Variants in SLC35A1 observed in about 807,000 individuals in gnomAD.
SLC35A1 encodes solute carrier family 35 member A1.
A neutral mutation model predicts 40.3 loss-of-function variants in SLC35A1; 21 were observed. The ratio of observed to expected loss-of-function variants is 0.52; its 90% CI spans 0.37 to 0.75. SLC35A1 has a LOEUF of 0.75. Among genes scored for constraint, SLC35A1 ranks in the 30% least tolerant of loss-of-function variants. The pLI is 0.00. For synonymous variants in SLC35A1, 146 were observed against 147.3 expected (o/e 0.99, Z 0.06); for missense variants, 297 against 382.1 (o/e 0.78, Z 1.86).
chr6:87,491,538 G>A lies in SLC35A1; in HGVS notation c.195-8970G>A, dbSNP rs563722411. Among the ~76,000 whole-genome samples, 11 of 152,282 alleles carry A rather than the reference G, an allele frequency of 7.2e-5. No homozygotes were observed. In the East Asian group the frequency reaches 7.7e-4, roughly 11 times the overall value. On this transcript the variant is annotated intron_variant, in intron 2 of 7. Transcript: ENST00000369552. ...TTAAGACAAAGATAAGCACAGTGGC[G>A]TTGTTAGACATTTCAGTAGTTTACA...
chr6:87,484,690 T>G (rs1769345476), intron 2 of SLC35A1, among the ~76,000 whole-genome samples: 1 of 124,826 alleles, frequency 8.0e-6, no homozygotes, highest in Non-Finnish European at 1.7e-5. Flanking sequence ...GTAATTGGAA[T>G]TAGGGTGGAG....
At chr6:87,473,692 G>T (rs1253565916) in intron 1 of SLC35A1, among the ~76,000 whole-genome samples, 1 of 152,236 alleles carries the variant, frequency 6.6e-6, no homozygotes, top group Non-Finnish European at 1.5e-5. Context: ...AGGCGTATTT[G>T]TTGACTAATT....
chr6:87,499,690 GATTT>G (rs1252249773), intron 2 of SLC35A1, among the ~76,000 whole-genome samples: 3 of 151,954 alleles, frequency 2.0e-5, no homozygotes, highest in Admixed American at 6.6e-5. Flanking sequence ...CTTACATAAG[GATTT>G]ATTATCTACT....
Position 87,510,621 on chromosome 6 carries a change from G to A in SLC35A1, c.887-778G>A, listed in dbSNP as rs150632243. Among the ~76,000 whole-genome samples, 810 of 152,280 alleles carry A rather than the reference G, an allele frequency of 5.3e-3. 3 individuals carry two copies. Among genetic ancestry groups the A allele is most frequent in the African/African-American group, 0.019 (777 of 41,562 alleles). ...AAAGGTGCCGGGCATGGTGGCTCAT[G>A]TCTGTAATCCCAGCACTTTGGGAGG... On this transcript the variant is annotated intron_variant, in intron 7 of 7. Coordinates refer to ENST00000369552, the MANE Select transcript of SLC35A1 (RefSeq NM_006416.5).
At chr6:87,491,651 A>G (rs552668689) in intron 2 of SLC35A1, among the ~76,000 whole-genome samples, 3 of 152,344 alleles carry the variant, frequency 2.0e-5, no homozygotes, top group East Asian at 1.9e-4. Context: ...ATAAAATACC[A>G]TAGACCAGTT....
At chr6:87,477,235 A>T in intron 1 of SLC35A1, 127 bp from the exon 2 acceptor site, 1 of 875,758 alleles carries the variant, frequency 1.1e-6, no homozygotes, top group Non-Finnish European at 1.7e-6. Context: ...AAAAATTTTT[A>T]AGCATGAGTT....
At chr6:87,481,341 T>C (rs1268974110) in intron 2 of SLC35A1, among the ~76,000 whole-genome samples, 1 of 150,602 alleles carries the variant, frequency 6.6e-6, no homozygotes, top group Non-Finnish European at 1.5e-5. Flanking sequence ...CGCTTGAACC[T>C]GGGAGGCGGA....
intron 2 of SLC35A1, among the ~76,000 whole-genome samples, chr6:87,498,361 T>C (rs1769805347): frequency 6.6e-6 from 1 of 152,220 alleles, no homozygotes; most frequent in South Asian, 2.1e-4. Flanking sequence ...TTCAGTTATC[T>C]TCTCTGATAC....
At chr6:87,481,140 G>A (rs968286549) in intron 2 of SLC35A1, among the ~76,000 whole-genome samples, 12 of 152,228 alleles carry the variant, frequency 7.9e-5, no homozygotes, top group Non-Finnish European at 8.8e-5. Flanking sequence ...ACCAGGCTGG[G>A]CGCGGTGGCT....
At position 87,508,611 on chromosome 6, in the gene SLC35A1, A is replaced by G; in HGVS notation, c.751+15A>G. ...GTTTGTCATCTGTAAGTATCCAGGAATTAAAGGTTCTTAGTAGATCCTTTA... is the reference window on the plus strand; with the variant it reads ...GTTTGTCATCTGTAAGTATCCAGGAGTTAAAGGTTCTTAGTAGATCCTTTA... On this transcript the variant is annotated intron_variant, in intron 6 of 7. Coordinates refer to ENST00000369552, the MANE Select transcript of SLC35A1 (RefSeq NM_006416.5). 2 of 1,603,584 alleles carry G rather than the reference A, an allele frequency of 1.2e-6. No individual in the cohort carries two copies. The highest frequency in any genetic ancestry group is 1.7e-6 in the Non-Finnish European group (2 of 1,172,464).
At chr6:87,509,991 T>A (rs936176233) in intron 7 of SLC35A1, among the ~76,000 whole-genome samples, 5 of 152,238 alleles carry the variant, frequency 3.3e-5, no homozygotes, top group Non-Finnish European at 7.3e-5. Context: ...TTGACTCCTG[T>A]ATATAAATGG....
At chr6:87,490,567 C>T (rs1187818940) in intron 2 of SLC35A1, among the ~76,000 whole-genome samples, 3 of 151,996 alleles carry the variant, frequency 2.0e-5, no homozygotes, top group Non-Finnish European at 2.9e-5. Context: ...CTCCTGACCT[C>T]ATGATCCACC....
At chr6:87,489,350 A>ATTAG (rs1296122534) in intron 2 of SLC35A1, among the ~76,000 whole-genome samples, 1 of 151,942 alleles carries the variant, frequency 6.6e-6, no homozygotes, top group Non-Finnish European at 1.5e-5. Context: ...AAGAGACAGG[A>ATTAG]TTAGTTCTTG....
intron 2 of SLC35A1, among the ~76,000 whole-genome samples, chr6:87,480,693 T>C (rs1562018245): frequency 6.6e-6 from 1 of 152,200 alleles, no homozygotes; most frequent in Non-Finnish European, 1.5e-5. Context: ...AGAAACGCTC[T>C]AAAGTGGGGT....
At chr6:87,497,210 C>A (rs1157967415) in intron 2 of SLC35A1, among the ~76,000 whole-genome samples, 1 of 144,824 alleles carries the variant, frequency 6.9e-6, no homozygotes, top group Non-Finnish European at 1.5e-5. Context: ...TTTTTTGTAA[C>A]TTATTTCAAA....
At chr6:87,490,306 G>T (rs9450715) in intron 2 of SLC35A1, among the ~76,000 whole-genome samples, 1,619 of 151,590 alleles carry the variant, frequency 0.011, 27 homozygotes, top group African/African-American at 0.038. Context: ...ACTTGCTTCA[G>T]TGAAGGGTGC....
intron 2 of SLC35A1, among the ~76,000 whole-genome samples, chr6:87,494,667 C>T (rs560885252): frequency 3.9e-5 from 6 of 152,214 alleles, no homozygotes; most frequent in African/African-American, 7.2e-5. Context: ...CCTCATGATC[C>T]GCCTGCCTCA....
chr6:87,493,223 A>G (rs775698244), intron 2 of SLC35A1, among the ~76,000 whole-genome samples: 3 of 152,174 alleles, frequency 2.0e-5, no homozygotes, highest in Admixed American at 6.5e-5. Flanking sequence ...GTGGGATTAA[A>G]CAGTTTCTTT....
chr6:87,492,501 A>G (rs1291484308), intron 2 of SLC35A1, among the ~76,000 whole-genome samples: 1 of 150,256 alleles, frequency 6.7e-6, no homozygotes, highest in African/African-American at 2.5e-5. Context: ...GTATATAAAG[A>G]TGTACGTGGT....
Sources: gnomAD v4.1 joint callset for allele counts (sites outside exome capture counted in the v4.1 genomes callset) on GRCh38, gnomAD v4.1.1 for gene constraint, MANE v1.5 for transcripts, NCBI Gene and HGNC (gene_info 2026-07-23, HGNC 2026-07-21) for gene names.